Variants in SPPL2A observed in about 807,000 individuals in gnomAD.
SPPL2A encodes the protein signal peptide peptidase-like 2A.
In SPPL2A, 51 loss-of-function variants were observed where a neutral mutation model predicts 63.8. That is an observed-to-expected ratio of 0.80 (90% CI 0.64 to 1.01). The LOEUF is 1.01. Ranked by LOEUF, SPPL2A falls within the 50% of genes least tolerant of loss-of-function variation. The pLI, the probability that SPPL2A is intolerant of heterozygous loss-of-function variation, is 0.00. For synonymous variants in SPPL2A, 188 were observed against 205.8 expected (o/e 0.91, Z 0.74); for missense variants, 553 against 622.7 (o/e 0.89, Z 1.19).
intron 1 of SPPL2A, among the ~76,000 whole-genome samples, chr15:50,752,669 G>A (rs1189759057): frequency 1.3e-5 from 2 of 150,766 alleles, no homozygotes. Context: ...AGTGAGCCGA[G>A]ATCGTGCCAC....
intron 1 of SPPL2A, among the ~76,000 whole-genome samples, chr15:50,752,230 C>T (rs751219576): frequency 1.3e-5 from 2 of 152,046 alleles, no homozygotes; most frequent in East Asian, 1.9e-4. Flanking sequence ...GGTATAATTA[C>T]GATGGTTTGT....
At chr15:50,739,543 T>TA (rs1017788305) in intron 6 of SPPL2A, 137 bp downstream of exon 6, 192 of 533,798 alleles carry the variant, frequency 3.6e-4, no homozygotes, top group Middle Eastern at 1.1e-3. Context: ...CTCTGATAAT[T>TA]AAAAAAAAAT....
intron 14 of SPPL2A, among the ~76,000 whole-genome samples, chr15:50,711,229 G>A (rs868766696): frequency 9.0e-5 from 12 of 134,006 alleles, no homozygotes; most frequent in Non-Finnish European, 7.9e-5. Context: ...TTTTTTGTGA[G>A]ATGGAGTGTT....
rs1270675701 is a variant in SPPL2A, at chr15:50,702,470, TAAA to T, written c.*5327_*5329del. 2.0e-5 allele frequency: 3 copies of T among 152,132 alleles called. No individual in the cohort carries two copies. Among genetic ancestry groups the T allele is most frequent in the African/African-American group, 4.8e-5 (2 of 41,442 alleles). 9.4% of individuals were successfully genotyped at this position (152,132 alleles called of 1,614,324 possible). Reference sequence around the variant, plus strand: ...TACACTAACTTACATATCAAAGTGTTAAAAAAGAAATTCCACACTCAAACCAAT... The same window carrying T: ...TACACTAACTTACATATCAAAGTGTTAAAGAAATTCCACACTCAAACCAAT... On this transcript the variant is annotated 3_prime_UTR_variant, in exon 15 of 15. Coordinates refer to ENST00000261854, the MANE Select transcript of SPPL2A (RefSeq NM_032802.4).
At chr15:50,765,385 G>T in intron 1 of SPPL2A, 83 bp downstream of exon 1, 1 of 1,084,938 alleles carries the variant, frequency 9.2e-7, no homozygotes, top group Non-Finnish European at 1.3e-6. Flanking sequence ...GAGGCCGGGC[G>T]AGGAGTAGGG....
At chr15:50,761,126 C>T (rs1403264369) in intron 1 of SPPL2A, among the ~76,000 whole-genome samples, 1 of 152,120 alleles carries the variant, frequency 6.6e-6, no homozygotes, top group Non-Finnish European at 1.5e-5. Flanking sequence ...CCTCCTACCT[C>T]AGCCTCCCAC....
chr15:50,752,625 G>A (rs150871129), intron 1 of SPPL2A, among the ~76,000 whole-genome samples: 2,431 of 151,966 alleles, frequency 0.016, 74 homozygotes, highest in African/African-American at 0.056. Flanking sequence ...GGCTGAGGCA[G>A]GAAAATTGCT....
intron 8 of SPPL2A, among the ~76,000 whole-genome samples, chr15:50,735,532 C>CACAT (rs1490130331): frequency 1.6e-5 from 2 of 128,906 alleles, no homozygotes; most frequent in African/African-American, 5.8e-5. Context: ...TACACACACA[C>CACAT]ACATATATAC....
chr15:50,712,350 T>C (rs2062565488), intron 14 of SPPL2A, among the ~76,000 whole-genome samples: 1 of 152,054 alleles, frequency 6.6e-6, no homozygotes, highest in Non-Finnish European at 1.5e-5. Flanking sequence ...AAGTTGGGAG[T>C]TAAATAGGGA....
chr15:50,749,851 G>A, intron 1 of SPPL2A, 105 bp from the exon 2 acceptor site: 1 of 714,148 alleles, frequency 1.4e-6, no homozygotes, highest in Non-Finnish European at 2.5e-6. Context: ...ATTTCCTTGA[G>A]AGGGATGGTC....
chr15:50,745,370 C>T (rs2062849856), intron 5 of SPPL2A, among the ~76,000 whole-genome samples: 2 of 151,344 alleles, frequency 1.3e-5, no homozygotes, highest in Non-Finnish European at 2.9e-5. Context: ...AGGCTGATCT[C>T]GAACTCCTAA....
chr15:50,738,210 G>A (rs1315481060), intron 6 of SPPL2A, among the ~76,000 whole-genome samples: 1 of 150,312 alleles, frequency 6.7e-6, no homozygotes, highest in African/African-American at 2.4e-5. Flanking sequence ...AGATATCATA[G>A]GTCTAGTTTT....
chr15:50,748,537 C>T, intron 3 of SPPL2A, 151 bp downstream of exon 3: 1 of 585,550 alleles, frequency 1.7e-6, no homozygotes, highest in East Asian at 3.0e-5. Context: ...AAGTAAATGC[C>T]TATTAGATCT....
At chr15:50,758,682 T>C (rs2062982389) in intron 1 of SPPL2A, among the ~76,000 whole-genome samples, 1 of 152,060 alleles carries the variant, frequency 6.6e-6, no homozygotes, top group South Asian at 2.1e-4. Context: ...GCCAGGCAAG[T>C]AATATAAATG....
Position 50,722,187 on chromosome 15 carries a change from A to G in SPPL2A, c.1264T>C (p.Tyr422His), listed in dbSNP as rs1374738939. 6.3e-7 allele frequency: 1 copy of G among 1,591,586 alleles called. No individual in the cohort carries two copies. Among genetic ancestry groups the G allele is most frequent in the South Asian group, 1.1e-5 (1 of 90,722 alleles). ...GTCTGAACATCAAATCTTCTACAGT[A>G]TGCAATCAACAGGCCTTAAAAACAA... ...DIIVPGLLIA[Y>H]CRRFDVQTGS... Residue 422 changes from tyrosine (Y) to histidine (H), a missense_variant, in exon 13 of 15, where the codon TAC becomes CAC. Physicochemically the swap from Tyr to His is moderately conservative, Grantham distance 83 (BLOSUM62 2). Transcript: ENST00000261854.
At position 50,730,842 on chromosome 15, in the gene SPPL2A, T is replaced by A. The variant is rs576301652; in HGVS notation, c.1089+123A>T. On this transcript the variant is annotated intron_variant, in intron 10 of 14. Transcript: ENST00000261854. The stretch of plus-strand genomic sequence containing the variant: ...GTTAAAAGGCCAATTTCAATGACAG[T>A]TCTTTTAAGAGAATTAGAATTCACT... 12 of 588,902 alleles carry A rather than the reference T, an allele frequency of 2.0e-5. No homozygotes were observed. In the South Asian group the frequency reaches 2.2e-4, roughly 11 times the overall value. 36.5% of individuals were successfully genotyped at this position (588,902 alleles called of 1,614,324 possible). A position where few individuals can be genotyped will look rare whatever the true frequency, so the allele number is the denominator to read the frequency against.
intron 1 of SPPL2A, chr15:50,764,468 A>G (rs1203098347): frequency 3.9e-5 from 6 of 152,238 alleles, no homozygotes; most frequent in Non-Finnish European, 8.8e-5. Flanking sequence ...TGGTTTTTCA[A>G]TAAATATTAA....
Position 50,748,768 on chromosome 15 carries a change from T to G in SPPL2A, c.280A>C (p.Ser94Arg). 1 of 1,612,172 alleles carries G rather than the reference T, an allele frequency of 6.2e-7. No individual in the cohort carries two copies. Among genetic ancestry groups the G allele is most frequent in the Non-Finnish European group, 8.5e-7 (1 of 1,179,192 alleles). The part of the protein sequence containing the change: ...KSKAVVVPWG[S>R]CHFLEKARIA... Reference sequence around the variant, plus strand: ...CTGGCTTTTTCAAGAAAATGGCAGCTTCCCCATGGAACCACAACTGCTTTG... The same window carrying G: ...CTGGCTTTTTCAAGAAAATGGCAGCGTCCCCATGGAACCACAACTGCTTTG... Residue 94 changes from serine to arginine, a missense_variant, in exon 3 of 15, where the codon AGC (serine) becomes CGC (arginine). Ser to Arg is a moderately radical substitution (Grantham distance 110). Transcript: ENST00000261854.
rs2062760602 is a variant in SPPL2A, at chr15:50,735,214, C to A, written c.932+887G>T. On this transcript the variant is annotated intron_variant, in intron 8 of 14. Transcript: ENST00000261854. ...AGCCACCATGCCCGGCAAGTATGTTCTCTTTTGTATCTGACTACTTTCACT... is the reference window on the plus strand; with the variant it reads ...AGCCACCATGCCCGGCAAGTATGTTATCTTTTGTATCTGACTACTTTCACT... Among the ~76,000 whole-genome samples, 3 of 152,172 alleles carry A rather than the reference C, an allele frequency of 2.0e-5. No homozygotes were observed. In the South Asian group the frequency reaches 6.2e-4, roughly 32 times the overall value.
Sources: gnomAD v4.1 joint callset for allele counts (sites outside exome capture counted in the v4.1 genomes callset) on GRCh38, gnomAD v4.1.1 for gene constraint, MANE v1.5 for transcripts, NCBI Gene and HGNC (gene_info 2026-07-23, HGNC 2026-07-21) for gene names.